Variants in NT5C2 observed in about 807,000 individuals in gnomAD.
The protein encoded by NT5C2 is 5'-nucleotidase, cytosolic II, also known as cytosolic purine 5'-nucleotidase.
In NT5C2, 58 loss-of-function variants were observed where a neutral mutation model predicts 76.1. The ratio of observed to expected loss-of-function variants is 0.76; its 90% CI spans 0.62 to 0.95. The LOEUF is 0.95. NT5C2 is among the 40% of genes least tolerant of loss of function. The probability of loss-of-function intolerance (pLI) is 0.00; values close to 1 mark genes in which losing one functional copy is unlikely to be tolerated. For synonymous variants in NT5C2, 229 were observed against 237.4 expected (o/e 0.96, Z 0.32); for missense variants, 478 against 690.3 (o/e 0.69, Z 3.45).
intron 3 of NT5C2, chr10:103,153,946 C>T (rs1490770590): frequency 1.8e-5 from 4 of 228,564 alleles, no homozygotes; most frequent in Non-Finnish European, 2.9e-5. Flanking sequence ...AAAACATCTG[C>T]GTTCACAAAT....
At chr10:103,157,421 T>A (rs908066798) in intron 3 of NT5C2, among the ~76,000 whole-genome samples, 4 of 152,180 alleles carry the variant, frequency 2.6e-5, no homozygotes, top group Non-Finnish European at 4.4e-5. Flanking sequence ...ATGTTGATGA[T>A]GTCAGGAGCC....
At chr10:103,148,884 A>C (rs950459343) in intron 3 of NT5C2, among the ~76,000 whole-genome samples, 1 of 152,178 alleles carries the variant, frequency 6.6e-6, no homozygotes, top group Non-Finnish European at 1.5e-5. Context: ...AAAGGGGGGA[A>C]ATTCCAAGTC....
chr10:103,157,409 A>G (rs1486907232), intron 3 of NT5C2, among the ~76,000 whole-genome samples: 2 of 152,174 alleles, frequency 1.3e-5, no homozygotes, highest in East Asian at 3.9e-4. Flanking sequence ...AGCAAACTAA[A>G]TATGTTGATG....
intron 1 of NT5C2, among the ~76,000 whole-genome samples, chr10:103,182,655 G>A (rs1197456709): frequency 2.8e-4 from 42 of 151,556 alleles, no homozygotes; most frequent in Admixed American, 2.8e-3. Context: ...AACTAAACTT[G>A]GCATTTTTAA....
intron 8 of NT5C2, 42 bp downstream of exon 8, chr10:103,101,003 T>A (rs377419588): frequency 1.8e-6 from 2 of 1,123,380 alleles, no homozygotes; most frequent in African/African-American, 3.1e-5. Flanking sequence ...TGCATTAATT[T>A]TAAAAATCAA....
chr10:103,162,052 T>C (rs1299087091), intron 3 of NT5C2, among the ~76,000 whole-genome samples: 4 of 152,186 alleles, frequency 2.6e-5, no homozygotes, highest in Admixed American at 2.6e-4. Flanking sequence ...ATTCTCGCTC[T>C]GTTGCCAGGC....
At position 103,094,030 on chromosome 10, in the gene NT5C2, G is replaced by A; in HGVS notation, c.930C>T (p.Gly310=). ...TVLRQVDTKT[G]KLKIGTYTGP... ...CTGTGTAGGTACCAATTTTCAGCTTGCCAGTTTTCTGTATGAAGAATATGG... is the reference window on the plus strand; with the variant it reads ...CTGTGTAGGTACCAATTTTCAGCTTACCAGTTTTCTGTATGAAGAATATGG... Residue 310 remains glycine (G), a synonymous_variant, in exon 14 of 19, where the codon GGC becomes GGT. Transcript: ENST00000404739. The A allele has an allele frequency of 6.2e-7, 1 of 1,613,310 alleles. No homozygotes were observed. The highest frequency in any genetic ancestry group is 1.1e-5 in the South Asian group (1 of 91,062).
intron 4 of NT5C2, among the ~76,000 whole-genome samples, chr10:103,122,641 G>A (rs1418499921): frequency 5.3e-5 from 8 of 152,136 alleles, no homozygotes; most frequent in Non-Finnish European, 4.4e-5. Context: ...CTCACCTCCC[G>A]ACTTCTTCCC....
intron 8 of NT5C2, 99 bp downstream of exon 8, chr10:103,100,946 T>C: frequency 1.3e-6 from 1 of 776,540 alleles, no homozygotes; most frequent in Non-Finnish European, 2.3e-6. Context: ...TAAATTCACT[T>C]TAGAAAAGCA....
At chr10:103,172,159 G>A (rs1259979762) in intron 3 of NT5C2, among the ~76,000 whole-genome samples, 1 of 151,998 alleles carries the variant, frequency 6.6e-6, no homozygotes, top group African/African-American at 2.4e-5. Context: ...GCAGTGAGCT[G>A]AGACCGCGCC....
chr10:103,184,352 C>CA (rs2091732405), intron 1 of NT5C2, among the ~76,000 whole-genome samples: 2 of 152,188 alleles, frequency 1.3e-5, no homozygotes, highest in Non-Finnish European at 2.9e-5. Context: ...GGCCAACACT[C>CA]AATAGTTCAC....
At chr10:103,110,986 C>A (rs886087477) in intron 4 of NT5C2, among the ~76,000 whole-genome samples, 2 of 152,174 alleles carry the variant, frequency 1.3e-5, no homozygotes. Context: ...AAATAAAATT[C>A]CTTTTTTAAT....
At chr10:103,151,491 C>T (rs1464396040) in intron 3 of NT5C2, among the ~76,000 whole-genome samples, 3 of 151,582 alleles carry the variant, frequency 2.0e-5, no homozygotes, top group Middle Eastern at 3.4e-3. Context: ...ACTAGCCTCT[C>T]GCCATTGAAT....
intron 4 of NT5C2, among the ~76,000 whole-genome samples, chr10:103,125,814 A>G (rs1364599289): frequency 6.6e-6 from 1 of 152,246 alleles, no homozygotes; most frequent in Non-Finnish European, 1.5e-5. Context: ...ATTCAGCAAT[A>G]TAACACTTTT....
chr10:103,183,291 A>ATATATATATTATATATATATCTATC (rs1554841794), intron 1 of NT5C2, among the ~76,000 whole-genome samples: 5 of 128,146 alleles, frequency 3.9e-5, no homozygotes, highest in African/African-American at 5.8e-5. Flanking sequence ...ATATATATAT[A>ATATATATATTATATATATATCTATC]TATCACACAC....
At chr10:103,093,425 G>GTTTTT in intron 14 of NT5C2, 116 bp from the exon 15 acceptor site, 1 of 910,092 alleles carries the variant, frequency 1.1e-6, no homozygotes, top group South Asian at 2.6e-5. Flanking sequence ...GAACAGACTA[G>GTTTTT]GAAGAATAGA....
At chr10:103,189,965 T>C (rs1055397269) in intron 1 of NT5C2, among the ~76,000 whole-genome samples, 2 of 149,398 alleles carry the variant, frequency 1.3e-5, no homozygotes, top group Non-Finnish European at 3.0e-5. Context: ...CCACCGCACC[T>C]GGCCGGTTTG....
intron 3 of NT5C2, among the ~76,000 whole-genome samples, chr10:103,149,568 T>C (rs1283109538): frequency 1.3e-5 from 2 of 152,196 alleles, no homozygotes; most frequent in Non-Finnish European, 2.9e-5. Flanking sequence ...AAGCATAGGC[T>C]TTTCCAATCC....
chr10:103,183,831 G>C (rs1388948903), intron 1 of NT5C2, among the ~76,000 whole-genome samples: 2 of 151,700 alleles, frequency 1.3e-5, no homozygotes, highest in Non-Finnish European at 2.9e-5. Flanking sequence ...AAATAAAATA[G>C]TTTAAGATGA....
Sources: gnomAD v4.1 joint callset for allele counts (sites outside exome capture counted in the v4.1 genomes callset) on GRCh38, gnomAD v4.1.1 for gene constraint, MANE v1.5 for transcripts, NCBI Gene and HGNC (gene_info 2026-07-23, HGNC 2026-07-21) for gene names.